The following SFI1 variants were observed in gnomAD, a reference collection of about 807,000 sequenced individuals.
SFI1 encodes protein SFI1 homolog.
SFI1 carries 195 observed loss-of-function variants against 207.5 expected under a neutral mutation model. The observed-to-expected ratio is 0.94, with a 90% CI of 0.84 to 1.06. SFI1 has a LOEUF of 1.06. Among genes scored for constraint, SFI1 ranks in the 50% least tolerant of loss-of-function variants. SFI1 has a pLI of 0.00. For missense variants in SFI1, 1,634 were observed against 1,588.0 expected, an observed-to-expected ratio of 1.03 and a Z score of -0.49; for synonymous variants, 630 against 598.9, an observed-to-expected ratio of 1.05 and a Z score of -0.76.
intron 15 of SFI1, among the ~76,000 whole-genome samples, chr22:31,595,018 T>G (rs1204271375): frequency 6.6e-6 from 1 of 152,004 alleles, no homozygotes; most frequent in East Asian, 1.9e-4. Flanking sequence ...TATTTTTGAG[T>G]TGGAGTCTTG....
At chr22:31,505,621 T>G (rs1422519624) in intron 1 of SFI1, among the ~76,000 whole-genome samples, 1 of 150,994 alleles carries the variant, frequency 6.6e-6, no homozygotes, top group East Asian at 2.0e-4. Context: ...ACCCTATCTC[T>G]ACACACAAAA....
chr22:31,617,048 T>C lies in SFI1; in HGVS notation c.3482T>C (p.Leu1161Pro), dbSNP rs1459302793. 1 of 1,614,074 alleles carries C rather than the reference T, an allele frequency of 6.2e-7. No homozygotes were observed. The highest frequency in any genetic ancestry group is 8.5e-7 in the Non-Finnish European group (1 of 1,180,020). ...CTTGAGGAGATCCAGCAGCAACTAC[T>C]GCACTACCAGACCACCAAGCAGAAC... is the stretch of plus-strand genomic sequence containing the variant. Reference protein sequence around the residue: ...AELEEIQQQLLHYQTTKQNLW... With the variant: ...AELEEIQQQLPHYQTTKQNLW... Residue 1161 changes from leucine (L) to proline (P), a missense_variant, in exon 31 of 33, where the codon CTG becomes CCG. Transcript: ENST00000400288.
intron 8 of SFI1, among the ~76,000 whole-genome samples, chr22:31,565,083 A>G (rs2062146095): frequency 6.7e-6 from 1 of 150,226 alleles, no homozygotes; most frequent in South Asian, 2.1e-4. Flanking sequence ...TTGGCTTCCC[A>G]AAGTGCTGGG....
intron 1 of SFI1, among the ~76,000 whole-genome samples, chr22:31,506,955 A>T (rs1044168813): frequency 6.6e-6 from 1 of 152,214 alleles, no homozygotes; most frequent in Non-Finnish European, 1.5e-5. Flanking sequence ...TACAGATTCA[A>T]TGCTGTTACC....
intron 10 of SFI1, among the ~76,000 whole-genome samples, chr22:31,575,871 C>T (rs2063426400): frequency 6.6e-6 from 1 of 152,200 alleles, no homozygotes. Flanking sequence ...GCATCATCCT[C>T]TTCATCCTCA....
At chr22:31,578,833 G>A (rs1911460541) in intron 11 of SFI1, among the ~76,000 whole-genome samples, 1 of 152,092 alleles carries the variant, frequency 6.6e-6, no homozygotes, top group Non-Finnish European at 1.5e-5. Flanking sequence ...TGCTACACGA[G>A]GTGGTCTTCA....
At chr22:31,518,886 T>C (rs1023130220) in intron 2 of SFI1, among the ~76,000 whole-genome samples, 1 of 152,196 alleles carries the variant, frequency 6.6e-6, no homozygotes. Flanking sequence ...ATAAGCTTCA[T>C]TGATACACAA....
intron 8 of SFI1, among the ~76,000 whole-genome samples, chr22:31,568,157 A>G (rs61277810): frequency 2.9e-5 from 3 of 102,588 alleles, no homozygotes; most frequent in African/African-American, 4.4e-5. Flanking sequence ...CTCTCTCTCT[A>G]TATATATATG....
intron 15 of SFI1, among the ~76,000 whole-genome samples, chr22:31,593,325 G>T (rs1461430763): frequency 7.3e-6 from 1 of 137,686 alleles, no homozygotes; most frequent in Admixed American, 7.0e-5. Flanking sequence ...ACGGGGTCTC[G>T]GCCGGGCAGA....
intron 2 of SFI1, among the ~76,000 whole-genome samples, chr22:31,526,092 A>C (rs2057879553): frequency 1.3e-5 from 2 of 152,128 alleles, no homozygotes; most frequent in Non-Finnish European, 2.9e-5. Context: ...GGATTTAGAG[A>C]CTTAATTAGA....
At chr22:31,496,528 G>T (rs1377747669), upstream of SFI1, 1 of 152,262 alleles carries the variant, frequency 6.6e-6, no homozygotes, top group African/African-American at 2.4e-5. Flanking sequence ...AGAGGCGCGC[G>T]AAGCGCTGAG....
chr22:31,545,969 T>C (rs1488848459), intron 4 of SFI1, among the ~76,000 whole-genome samples: 1 of 149,052 alleles, frequency 6.7e-6, no homozygotes, highest in Admixed American at 6.8e-5. Context: ...CTCAGTTCAC[T>C]GGAACCTCTC....
At chr22:31,586,801 G>A (rs1405372456) in intron 14 of SFI1, among the ~76,000 whole-genome samples, 1 of 152,144 alleles carries the variant, frequency 6.6e-6, no homozygotes, top group Non-Finnish European at 1.5e-5. Context: ...GCCCAACACT[G>A]GCGGACAGTC....
chr22:31,530,373 C>G (rs1400956989), intron 3 of SFI1, among the ~76,000 whole-genome samples: 1 of 137,850 alleles, frequency 7.3e-6, no homozygotes, highest in Admixed American at 7.5e-5. Context: ...GCCTGTGGTC[C>G]CAGCTACTCG....
chr22:31,515,544 C>CTGTGTG (rs34222417), intron 2 of SFI1, among the ~76,000 whole-genome samples: 1 of 146,380 alleles, frequency 6.8e-6, no homozygotes, highest in Non-Finnish European at 1.5e-5. Flanking sequence ...GTGCCTGGCT[C>CTGTGTG]TGTGTGTGTG....
chr22:31,586,333 G>A (rs2065025896), intron 14 of SFI1, among the ~76,000 whole-genome samples: 1 of 152,142 alleles, frequency 6.6e-6, no homozygotes, highest in Non-Finnish European at 1.5e-5. Flanking sequence ...TTCCCCACAG[G>A]CTGTGAAGTC....
In SFI1 at chr22:31,578,397, CAGA is replaced by C. The variant is rs2063742568; in HGVS notation, c.1106_1108del (p.Glu369del). 1 of 1,613,562 alleles carries C rather than the reference CAGA, an allele frequency of 6.2e-7. No individual in the cohort carries two copies. Among genetic ancestry groups the C allele is most frequent in the Non-Finnish European group, 8.5e-7 (1 of 1,179,636 alleles). On this transcript the variant is annotated inframe_deletion, in exon 11 of 33. Coordinates refer to ENST00000400288, the MANE Select transcript of SFI1 (RefSeq NM_001007467.3). ...TTCCTGGCAGACATGCTGCTGTGTGCAGAAGAAGCTGCCCAGTTTGAGATGGCA... is the reference window on the plus strand; with the variant it reads ...TTCCTGGCAGACATGCTGCTGTGTGCAGAAGCTGCCCAGTTTGAGATGGCA...
intron 4 of SFI1, among the ~76,000 whole-genome samples, chr22:31,546,101 C>T (rs924451074): frequency 5.9e-5 from 9 of 151,624 alleles, no homozygotes; most frequent in African/African-American, 1.7e-4. Context: ...CACCATGTCA[C>T]CCAACCTGGT....
At chr22:31,545,046 C>T (rs5749298) in intron 4 of SFI1, among the ~76,000 whole-genome samples, 32,869 of 151,952 alleles carry the variant, frequency 0.22, 4,552 homozygotes, top group East Asian at 0.43. Flanking sequence ...ACCACAGGTG[C>T]GTGCCTCCAT....
Sources: gnomAD v4.1 joint callset for allele counts (sites outside exome capture counted in the v4.1 genomes callset) on GRCh38, gnomAD v4.1.1 for gene constraint, MANE v1.5 for transcripts, NCBI Gene and HGNC (gene_info 2026-07-23, HGNC 2026-07-21) for gene names.